The following DPP6 variants were observed in gnomAD, a reference collection of about 807,000 sequenced individuals.
DPP6 encodes A-type potassium channel modulatory protein DPP6.
DPP6 carries 69 observed loss-of-function variants against 122.6 expected under a neutral mutation model. The ratio of observed to expected loss-of-function variants is 0.56; its 90% CI spans 0.46 to 0.69. The LOEUF is 0.69. Among genes scored for constraint, DPP6 ranks in the 30% least tolerant of loss-of-function variants. The pLI is 0.00. For synonymous variants in DPP6, 418 were observed against 433.1 expected, an observed-to-expected ratio of 0.97 and a Z score of 0.43; for missense variants, 928 against 1,116.9, an observed-to-expected ratio of 0.83 and a Z score of 2.41.
At chr7:153,937,151 T>C (rs938669534) in intron 1 of DPP6, among the ~76,000 whole-genome samples, 1 of 152,072 alleles carries the variant, frequency 6.6e-6, no homozygotes, top group Admixed American at 6.5e-5. Context: ...CTCAGGAAAG[T>C]AGTCTGGTCT....
chr7:154,079,060 C>T (rs1216573144), intron 1 of DPP6, among the ~76,000 whole-genome samples: 1 of 151,662 alleles, frequency 6.6e-6, no homozygotes, highest in Non-Finnish European at 1.5e-5. Flanking sequence ...AGATGGAGAC[C>T]ATCCTGGCCA....
intron 1 of DPP6, among the ~76,000 whole-genome samples, chr7:154,036,628 C>T (rs560890718): frequency 6.6e-6 from 1 of 151,788 alleles, no homozygotes; most frequent in East Asian, 1.9e-4. Context: ...TTATTTTTGC[C>T]CTTTTTCTGG....
chr7:154,510,923 TACAC>T (rs1022987860), intron 3 of DPP6, among the ~76,000 whole-genome samples: 2 of 121,342 alleles, frequency 1.6e-5, no homozygotes, highest in African/African-American at 3.2e-5. Context: ...CTCTTACACA[TACAC>T]ACACACATGC....
chr7:154,036,453 T>G (rs2129056661), intron 1 of DPP6, among the ~76,000 whole-genome samples: 1 of 147,616 alleles, frequency 6.8e-6, no homozygotes, highest in East Asian at 2.0e-4. Context: ...TGGAAGAAAC[T>G]GAGCTTCAAA....
chr7:154,097,340 G>A (rs1467212907), intron 1 of DPP6, among the ~76,000 whole-genome samples: 3 of 152,202 alleles, frequency 2.0e-5, no homozygotes, highest in Non-Finnish European at 4.4e-5. Context: ...AGCAATGATC[G>A]CTTATTCCGA....
At chr7:153,950,861 C>T (rs868769031) in intron 1 of DPP6, among the ~76,000 whole-genome samples, 27 of 152,246 alleles carry the variant, frequency 1.8e-4, no homozygotes, top group Admixed American at 6.5e-5. Flanking sequence ...ACATAGAGGT[C>T]GAACCTGAAG....
chr7:154,873,965 C>T (rs1273671175), intron 19 of DPP6, among the ~76,000 whole-genome samples: 5 of 106,640 alleles, frequency 4.7e-5, no homozygotes, highest in Non-Finnish European at 9.8e-5. Flanking sequence ...CACGCACCTG[C>T]ATACATAAGC....
intron 7 of DPP6, among the ~76,000 whole-genome samples, chr7:154,694,009 A>G (rs915432357): frequency 2.6e-5 from 4 of 152,172 alleles, no homozygotes; most frequent in African/African-American, 9.7e-5. Context: ...GTGCTTAGAA[A>G]AAACAAATTG....
intron 1 of DPP6, among the ~76,000 whole-genome samples, chr7:154,369,872 C>T (rs1812494963): frequency 6.6e-6 from 1 of 152,180 alleles, no homozygotes; most frequent in South Asian, 2.1e-4. Context: ...TTCCTATTTT[C>T]TCAGAAAAAT....
At chr7:154,280,904 G>C (rs1804459834) in intron 1 of DPP6, among the ~76,000 whole-genome samples, 1 of 152,036 alleles carries the variant, frequency 6.6e-6, no homozygotes, top group South Asian at 2.1e-4. Context: ...CACTGTGGTA[G>C]GTTAAGACAC....
intron 1 of DPP6, among the ~76,000 whole-genome samples, chr7:154,199,395 T>G (rs780839723): frequency 3.9e-5 from 6 of 152,202 alleles, no homozygotes; most frequent in African/African-American, 7.2e-5. Flanking sequence ...GTTTCCACTA[T>G]TCCCTAGTAA....
At chr7:154,627,500 T>C (rs1318561173) in intron 5 of DPP6, among the ~76,000 whole-genome samples, 3 of 152,046 alleles carry the variant, frequency 2.0e-5, no homozygotes, top group Admixed American at 1.3e-4. Context: ...GCCCGGCCTT[T>C]TTTCCTTTTA....
chr7:153,761,321 A>G, the DPP6 span, among the ~76,000 whole-genome samples: 1 of 152,228 alleles, frequency 6.6e-6, no homozygotes, highest in Non-Finnish European at 1.5e-5. Context: ...AAATGGGCCT[A>G]AAATGTATGA....
the DPP6 span, among the ~76,000 whole-genome samples, chr7:153,821,123 G>A: frequency 6.6e-6 from 1 of 152,008 alleles, no homozygotes; most frequent in Non-Finnish European, 1.5e-5. Flanking sequence ...TAATATACAT[G>A]GATAACTTTA....
At chr7:154,317,190 C>T (rs113411937) in intron 1 of DPP6, among the ~76,000 whole-genome samples, 191 of 152,208 alleles carry the variant, frequency 1.3e-3, no homozygotes, top group African/African-American at 4.5e-3. Flanking sequence ...TCCTTCACTG[C>T]AGCTGTGCTT....
intron 1 of DPP6, among the ~76,000 whole-genome samples, chr7:153,895,331 G>A (rs1020726648): frequency 3.0e-4 from 45 of 152,174 alleles, no homozygotes; most frequent in African/African-American, 1.1e-3. Flanking sequence ...TCTGCAGGCA[G>A]CTCCCTGGAC....
intron 1 of DPP6, among the ~76,000 whole-genome samples, chr7:154,006,166 G>T (rs1797904998): frequency 6.6e-6 from 1 of 152,188 alleles, no homozygotes; most frequent in Non-Finnish European, 1.5e-5. Context: ...AGCAGCATCT[G>T]CCCTGACCTT....
At chr7:154,176,182 G>A (rs1191457655) in intron 1 of DPP6, among the ~76,000 whole-genome samples, 1 of 152,218 alleles carries the variant, frequency 6.6e-6, no homozygotes, top group Non-Finnish European at 1.5e-5. Context: ...TGGATTCTGA[G>A]TCCCTGCTCC....
intron 1 of DPP6, among the ~76,000 whole-genome samples, chr7:154,246,084 A>G (rs181319569): frequency 3.9e-5 from 6 of 152,320 alleles, no homozygotes; most frequent in Admixed American, 1.3e-4. Context: ...TTAGAAATCC[A>G]AAACAATAAG....
Sources: allele counts gnomAD v4.1 joint callset (sites outside exome capture counted in the v4.1 genomes callset), GRCh38; gene constraint gnomAD v4.1.1; transcripts MANE v1.5; gene names NCBI Gene and HGNC (gene_info 2026-07-23, HGNC 2026-07-21).